Variants in GPHN observed in about 807,000 individuals in gnomAD.
GPHN encodes the protein gephyrin.
GPHN carries 17 observed loss-of-function variants against 95.5 expected under a neutral mutation model. The observed-to-expected ratio is 0.18, with a 90% confidence interval of 0.12 to 0.27. GPHN has a LOEUF of 0.27. Ranked by LOEUF, GPHN falls within the 10% of genes least tolerant of loss-of-function variation. The pLI is 1.00. For missense variants in GPHN, 660 were observed against 978.1 expected (o/e 0.67, Z 4.34); for synonymous variants, 320 against 322.5 (o/e 0.99, Z 0.08).
At chr14:66,947,990 A>C (rs2067862154) in intron 8 of GPHN, among the ~76,000 whole-genome samples, 1 of 152,226 alleles carries the variant, frequency 6.6e-6, no homozygotes, top group Non-Finnish European at 1.5e-5. Flanking sequence ...TGAAATAGAC[A>C]AGTAGTCACC....
At chr14:66,678,091 A>G (rs1054502815) in intron 1 of GPHN, among the ~76,000 whole-genome samples, 1 of 152,050 alleles carries the variant, frequency 6.6e-6, no homozygotes, top group African/African-American at 2.4e-5. Flanking sequence ...TGGGTTGAGT[A>G]TTTTGGGGAC....
At chr14:67,079,605 C>CTTT (rs138833775) in intron 11 of GPHN, among the ~76,000 whole-genome samples, 49,201 of 151,702 alleles carry the variant, frequency 0.32, 12,643 homozygotes, top group African/African-American at 0.7. Context: ...TAATTCATTC[C>CTTT]TTTGTTGTGG....
the GPHN span, chr14:67,350,596 G>A: frequency 6.8e-6 from 11 of 1,608,572 alleles, no homozygotes; most frequent in South Asian, 5.5e-5. Context: ...AAAACACCCC[G>A]TTTAGTCCCC....
At chr14:67,582,299 G>T in the GPHN span, 2 of 1,595,270 alleles carry the variant, frequency 1.3e-6, no homozygotes, top group Non-Finnish European at 1.7e-6. This position sits in a 1 kb window ranked among gnomAD's most constrained non-coding sequence, Gnocchi z 5.0. Flanking sequence ...AGATTCTGCA[G>T]ATCCTGTGGT....
At chr14:67,035,966 A>T (rs969639209) in intron 10 of GPHN, among the ~76,000 whole-genome samples, 9 of 147,404 alleles carry the variant, frequency 6.1e-5, no homozygotes, top group Non-Finnish European at 1.5e-5. Flanking sequence ...GATAACTGAT[A>T]AAAAAAATTG....
chr14:67,158,142 A>C (rs1286162533), intron 18 of GPHN, among the ~76,000 whole-genome samples: 2 of 151,846 alleles, frequency 1.3e-5, no homozygotes, highest in African/African-American at 4.8e-5. Flanking sequence ...CAGTGTCTCT[A>C]CTAAAAATAG....
At chr14:67,438,144 G>A in the GPHN span, among the ~76,000 whole-genome samples, 1 of 152,238 alleles carries the variant, frequency 6.6e-6, no homozygotes, top group East Asian at 1.9e-4. Context: ...AAGCTCCCAG[G>A]ACAGTATGCT....
chr14:66,789,643 G>C (rs2153470521), intron 3 of GPHN, among the ~76,000 whole-genome samples: 1 of 152,224 alleles, frequency 6.6e-6, no homozygotes, highest in Middle Eastern at 3.4e-3. Context: ...CTGAATCCTG[G>C]ATCCCCAAAA....
chr14:67,225,180 C>T, the GPHN span: 1 of 1,574,560 alleles, frequency 6.4e-7, no homozygotes. Context: ...TCTGTCTGCC[C>T]CTTTCTCAAG....
the GPHN span, among the ~76,000 whole-genome samples, chr14:67,243,788 G>A: frequency 6.6e-6 from 1 of 152,092 alleles, no homozygotes; most frequent in African/African-American, 2.4e-5. Context: ...GAGCCACCGC[G>A]CCCAGCCCTT....
chr14:67,308,003 T>A, the GPHN span, among the ~76,000 whole-genome samples: 1 of 152,060 alleles, frequency 6.6e-6, no homozygotes, highest in Non-Finnish European at 1.5e-5. Context: ...AACCACATGT[T>A]CTCTTACATG....
intron 2 of GPHN, among the ~76,000 whole-genome samples, chr14:66,709,943 A>G (rs2069457756): frequency 6.6e-6 from 1 of 152,098 alleles, no homozygotes; most frequent in South Asian, 2.1e-4. Context: ...AAAAAAAAGA[A>G]TAGAAGTTGT....
chr14:66,943,389 G>C (rs1359806781), intron 8 of GPHN, among the ~76,000 whole-genome samples: 2 of 152,074 alleles, frequency 1.3e-5, no homozygotes, highest in Non-Finnish European at 2.9e-5. Context: ...TGCTGCCAAG[G>C]CTTAACTCCT....
intron 7 of GPHN, 129 bp from the exon 8 acceptor site, chr14:66,924,065 T>G: frequency 1.5e-6 from 1 of 688,242 alleles, no homozygotes; most frequent in Non-Finnish European, 2.6e-6. Context: ...TCTGTCATTC[T>G]ACATTTGGAA....
chr14:67,353,635 A>T, the GPHN span: 1 of 151,986 alleles, frequency 6.6e-6, no homozygotes, highest in Non-Finnish European at 1.5e-5. Flanking sequence ...CTACAGGCGT[A>T]TGCCACCAAG....
chr14:67,621,904 C>A, the GPHN span, among the ~76,000 whole-genome samples: 540 of 151,908 alleles, frequency 3.6e-3, 3 homozygotes, highest in African/African-American at 0.013. Context: ...CGAGACCAGC[C>A]TGACCAATAT....
chr14:67,597,563 G>A, the GPHN span, among the ~76,000 whole-genome samples: 4 of 152,146 alleles, frequency 2.6e-5, no homozygotes, highest in South Asian at 8.3e-4. Flanking sequence ...GATGAATGGA[G>A]GATTCAGTAC....
chr14:66,581,784 T>C (rs1466287676), intron 1 of GPHN, among the ~76,000 whole-genome samples: 1 of 151,786 alleles, frequency 6.6e-6, no homozygotes, highest in Non-Finnish European at 1.5e-5. Context: ...ATAAAAATTA[T>C]AAAAAGAGAC....
the GPHN span, chr14:67,301,340 TG>T: frequency 7.6e-7 from 1 of 1,311,516 alleles, no homozygotes; most frequent in South Asian, 1.3e-5. Flanking sequence ...CAGGTGCTAC[TG>T]ATACTTCCTA....
Sources: gnomAD v4.1 joint callset for allele counts (sites outside exome capture counted in the v4.1 genomes callset) on GRCh38, gnomAD v4.1.1 for gene constraint, Gnocchi (gnomAD v3.1) non-coding constraint, MANE v1.5 for transcripts, NCBI Gene and HGNC (gene_info 2026-07-23, HGNC 2026-07-21) for gene names.